The following THTPA variants were observed in gnomAD, a reference collection of about 807,000 sequenced individuals.
THTPA encodes the protein thiamine triphosphatase, also known as thiamine-triphosphatase.
Under a neutral mutation model 16.5 loss-of-function variants are expected in THTPA, and 16 were observed. The ratio of observed to expected loss-of-function variants is 0.97; its 90% CI spans 0.66 to 1.47. The LOEUF (loss-of-function observed/expected upper bound fraction) is 1.47. Ranked by LOEUF, THTPA falls within the 40% of genes most tolerant of loss-of-function variation. The pLI, the probability that THTPA is intolerant of heterozygous loss-of-function variation, is 0.00. For missense variants in THTPA, 281 were observed against 280.9 expected (o/e 1.00, Z 0.00); for synonymous variants, 110 against 115.5 (o/e 0.95, Z 0.30).
the THTPA span, chr14:23,521,342 C>G: frequency 6.6e-6 from 1 of 152,662 alleles, no homozygotes; most frequent in South Asian, 2.1e-4. Flanking sequence ...GGCTCCCTGC[C>G]CATGCCAGGC....
At chr14:23,525,175 G>A in the THTPA span, 3 of 1,536,130 alleles carry the variant, frequency 2.0e-6, no homozygotes, top group South Asian at 3.6e-5. This position sits in a 1 kb window ranked among gnomAD's most constrained non-coding sequence, Gnocchi z 5.9. Flanking sequence ...CAGGCACCAG[G>A]GGAGGAAGAT....
At chr14:23,517,077 G>T in the THTPA span, among the ~76,000 whole-genome samples, 1 of 152,148 alleles carries the variant, frequency 6.6e-6, no homozygotes, top group Non-Finnish European at 1.5e-5. Flanking sequence ...CTTCTGGCCA[G>T]ACTTCTTTCC....
the THTPA span, chr14:23,525,233 C>T: frequency 1.2e-5 from 18 of 1,536,110 alleles, no homozygotes; most frequent in Non-Finnish European, 1.3e-5. This position sits in a 1 kb window ranked among gnomAD's most constrained non-coding sequence, Gnocchi z 5.9. Context: ...TCCCCCTGCT[C>T]GACTTCGCTC....
the THTPA span, among the ~76,000 whole-genome samples, chr14:23,544,630 G>T: frequency 2.0e-5 from 3 of 152,180 alleles, no homozygotes; most frequent in African/African-American, 4.8e-5. Flanking sequence ...GCCCGTATGT[G>T]GTTGGCCCGG....
chr14:23,541,106 A>G, the THTPA span, among the ~76,000 whole-genome samples: 1 of 151,682 alleles, frequency 6.6e-6, no homozygotes. Flanking sequence ...GGGTTTCACC[A>G]TGTTGGCCAG....
upstream of THTPA, among the ~76,000 whole-genome samples, chr14:23,553,850 C>T (rs536062978): frequency 2.0e-4 from 30 of 151,972 alleles, no homozygotes; most frequent in Admixed American, 7.9e-4. Flanking sequence ...GCCGAGATGG[C>T]GCCACTACAC....
chr14:23,526,059 G>A, the THTPA span: 5 of 1,536,394 alleles, frequency 3.3e-6, no homozygotes, highest in South Asian at 5.9e-5. Flanking sequence ...CCTTCCTTGG[G>A]CTCTTCTTGG....
the THTPA span, among the ~76,000 whole-genome samples, chr14:23,549,395 A>T: frequency 1.3e-5 from 2 of 152,010 alleles, no homozygotes; most frequent in Non-Finnish European, 2.9e-5. Flanking sequence ...TTACCTTTCC[A>T]AGCTCCTGAG....
the THTPA span, chr14:23,530,448 G>A: frequency 3.0e-6 from 2 of 662,834 alleles, no homozygotes; most frequent in Non-Finnish European, 5.6e-6. Context: ...TTTTATAGAA[G>A]TCCAGCAGTA....
chr14:23,521,698 T>C, the THTPA span: 1 of 500,378 alleles, frequency 2.0e-6, no homozygotes, highest in African/African-American at 2.0e-5. Context: ...AAGATGGGTG[T>C]ATGTGTCTGT....
chr14:23,560,228 C>T lies in THTPA; in HGVS notation c.*1388C>T, dbSNP rs757302759. ...GCCTTTTCTCCTGGAGTCCCCAGGCCACCTCTGAACTCTGATCTTTACAAA... is the reference window on the plus strand; with the variant it reads ...GCCTTTTCTCCTGGAGTCCCCAGGCTACCTCTGAACTCTGATCTTTACAAA... On this transcript the variant is annotated 3_prime_UTR_variant, in exon 2 of 2. Transcript: ENST00000288014. The T allele has an allele frequency of 3.1e-6, 5 of 1,610,564 alleles. No individual in the cohort carries two copies. The Admixed American group carries it at 5.0e-5, about 16-fold the overall frequency.
At chr14:23,525,801 C>T in the THTPA span, 3 of 1,472,534 alleles carry the variant, frequency 2.0e-6, no homozygotes, top group Non-Finnish European at 2.7e-6. This position sits in a 1 kb window ranked among gnomAD's most constrained non-coding sequence, Gnocchi z 5.9. Context: ...GCAGGCCCAG[C>T]TAGTGTCAGC....
chr14:23,529,498 A>G, the THTPA span: 5 of 564,506 alleles, frequency 8.9e-6, no homozygotes, highest in Admixed American at 9.2e-5. Flanking sequence ...TCTCCCTCCT[A>G]TCATCTCCCT....
At chr14:23,548,197 C>T in the THTPA span, among the ~76,000 whole-genome samples, 67 of 152,176 alleles carry the variant, frequency 4.4e-4, no homozygotes, top group Non-Finnish European at 8.5e-4. Flanking sequence ...CCTCCTCTTC[C>T]GTCTCTGCCT....
chr14:23,522,342 C>T, the THTPA span: 2 of 1,535,162 alleles, frequency 1.3e-6, no homozygotes, highest in South Asian at 2.4e-5. Context: ...CGATGGGTTA[C>T]ATCCACGGTG....
At chr14:23,523,586 T>C in the THTPA span, 1 of 1,549,100 alleles carries the variant, frequency 6.5e-7, no homozygotes, top group Non-Finnish European at 8.7e-7. The surrounding 1 kb of genome is among the most constrained non-coding windows in gnomAD (Gnocchi z 4.1). Context: ...CTTCTTTTCC[T>C]TGGCACGAGC....
the THTPA span, chr14:23,526,978 A>C: frequency 6.6e-7 from 1 of 1,503,894 alleles, no homozygotes; most frequent in Non-Finnish European, 8.8e-7. Flanking sequence ...TGTAGCCTGC[A>C]ATGAGAAAAA....
chr14:23,550,657 A>C, the THTPA span, among the ~76,000 whole-genome samples: 1 of 152,148 alleles, frequency 6.6e-6, no homozygotes, highest in Non-Finnish European at 1.5e-5. Context: ...GGCTGCTCAG[A>C]GGGGCAGACG....
chr14:23,527,734 T>C, the THTPA span: 1 of 1,536,142 alleles, frequency 6.5e-7, no homozygotes. Context: ...CACTGCATGC[T>C]GGGAGAGTGT....
Sources: allele counts gnomAD v4.1 joint callset (sites outside exome capture counted in the v4.1 genomes callset), GRCh38; gene constraint gnomAD v4.1.1; non-coding constraint Gnocchi (gnomAD v3.1); transcripts MANE v1.5; gene names NCBI Gene and HGNC (gene_info 2026-07-23, HGNC 2026-07-21).